The following LY6G6F variants were observed in gnomAD, a reference collection of about 807,000 sequenced individuals.
LY6G6F encodes the protein lymphocyte antigen 6 complex locus protein G6f.
In LY6G6F, 26 loss-of-function variants were observed where a neutral mutation model predicts 33.0. The ratio of observed to expected loss-of-function variants is 0.79; its 90% CI spans 0.58 to 1.09. The LOEUF is 1.09. Among genes scored for constraint, LY6G6F ranks in the 50% least tolerant of loss-of-function variants. The pLI, the probability that LY6G6F is intolerant of heterozygous loss-of-function variation, is 0.00. For missense variants in LY6G6F, 317 were observed against 372.0 expected (o/e 0.85, Z 1.22); for synonymous variants, 132 against 148.1 (o/e 0.89, Z 0.79).
rs771850680 is a variant in LY6G6F, at chr6:31,710,395, GA to G, written c.848del (p.Asn283ThrfsTer25). The G allele has an allele frequency of 6.2e-7, 1 of 1,614,168 alleles. No homozygotes were observed. The highest frequency in any genetic ancestry group is 2.2e-5 in the East Asian group (1 of 44,882). ...TCAAACCCGAAATCCAGGTCTATGAGAACATCCATTTGGCCCGTCTTGGGTG... is the reference window on the plus strand; with the variant it reads ...TCAAACCCGAAATCCAGGTCTATGAGACATCCATTTGGCCCGTCTTGGGTG... ...QFKPEIQVYE[N>X]IHLARLGPPA... is the part of the protein sequence containing the mutation. On this transcript the variant is annotated frameshift_variant, in exon 5 of 6. Transcript: ENST00000375832. LOFTEE classifies it high-confidence loss of function. The surrounding 1 kb of genome is among the most constrained non-coding windows in gnomAD (Gnocchi z 4.7).
In LY6G6F at chr6:31,707,440, A is replaced by G; in HGVS notation, c.53-18A>G. 1 of 1,609,764 alleles carries G rather than the reference A, an allele frequency of 6.2e-7. No individual in the cohort carries two copies. ...ATCTGATGGAGGTCTCTGGCCTCAT[A>G]CAACCCTCTTCCCACAGACAACATG... On this transcript the variant is annotated intron_variant, in intron 1 of 5. Coordinates refer to ENST00000375832, the MANE Select transcript of LY6G6F (RefSeq NM_001003693.3). The surrounding 1 kb of genome is among the most constrained non-coding windows in gnomAD (Gnocchi z 4.1).
chr6:31,707,676 T>C lies in LY6G6F; in HGVS notation c.271T>C (p.Leu91=), dbSNP rs367817043. Reference sequence around the variant, plus strand: ...GCTCAGACTGCTGGGGAACTATTCTTTGTGGTTGGAGGGATCCAAAGAGGA... The same window carrying C: ...GCTCAGACTGCTGGGGAACTATTCTCTGTGGTTGGAGGGATCCAAAGAGGA... The part of the protein sequence containing the change: ...SRLRLLGNYS[L]WLEGSKEEDA... The change falls in exon 2 of 6, where the codon TTG becomes CTG. Residue 91 remains leucine, a synonymous_variant. Transcript: ENST00000375832. This position sits in a 1 kb window ranked among gnomAD's most constrained non-coding sequence, Gnocchi z 4.1. 1 of 1,613,920 alleles carries C rather than the reference T, an allele frequency of 6.2e-7. No homozygotes were observed. Among genetic ancestry groups the C allele is most frequent in the Non-Finnish European group, 8.5e-7 (1 of 1,179,910 alleles).
chr6:31,709,613 C>T (rs1352518067), intron 3 of LY6G6F, among the ~76,000 whole-genome samples: 2 of 151,876 alleles, frequency 1.3e-5, no homozygotes, highest in African/African-American at 2.4e-5. Flanking sequence ...AGGCTGGTCT[C>T]GACCTCCTGA....
Position 31,707,626 on chromosome 6 carries a change from C to T in LY6G6F, c.221C>T (p.Pro74Leu). The T allele has an allele frequency of 6.2e-7, 1 of 1,613,820 alleles. No individual in the cohort carries two copies. The highest frequency in any genetic ancestry group is 8.5e-7 in the Non-Finnish European group (1 of 1,179,846). ...CAAGTGGGCAGGCCAGCCCCAGACC[C>T]TGGAAAACCAGGAAGGGAATCCAGG... ...QVQVGRPAPD[P>L]GKPGRESRLR... Residue 74 changes from proline to leucine, a missense_variant, in exon 2 of 6, where the codon CCT becomes CTT. By Grantham distance (98) the Pro-to-Leu change is moderately conservative (BLOSUM62 -3). Coordinates refer to ENST00000375832, the MANE Select transcript of LY6G6F (RefSeq NM_001003693.3). This position sits in a 1 kb window ranked among gnomAD's most constrained non-coding sequence, Gnocchi z 4.1.
rs1283569101 is a variant in LY6G6F at position 31,708,127 on chromosome 6, C to T, written c.639C>T (p.Ser213=). The T allele has an allele frequency of 6.5e-7, 1 of 1,540,784 alleles. No homozygotes were observed. ...LMTHNKGVSF[S]LAASIDASPA... is the part of the protein sequence containing the mutation. ...CTCACAACAAAGGGGTCAGCTTTAG[C>T]CTGGCAGGTAAACTGAGGAAGGAGA... Residue 213 remains serine (S), a synonymous_variant, in exon 3 of 6, where the codon AGC becomes AGT. Coordinates refer to ENST00000375832, the MANE Select transcript of LY6G6F (RefSeq NM_001003693.3).
intron 3 of LY6G6F, 133 bp from the exon 4 acceptor site, chr6:31,709,893 T>C (rs1805897960): frequency 2.3e-5 from 21 of 908,572 alleles, no homozygotes; most frequent in Non-Finnish European, 3.5e-5. Context: ...GAGGATATTG[T>C]GGGCAGGGAA....
chr6:31,710,391 A>G lies in LY6G6F; in HGVS notation c.842A>G (p.Tyr281Cys). ...IPQFKPEIQV[Y>C]ENIHLARLGP... ...CAGTTCAAACCCGAAATCCAGGTCT[A>G]TGAGAACATCCATTTGGCCCGTCTT... Residue 281 changes from tyrosine to cysteine, a missense_variant, in exon 5 of 6, where the codon TAT (tyrosine) becomes TGT (cysteine). Transcript: ENST00000375832. The surrounding 1 kb of genome is among the most constrained non-coding windows in gnomAD (Gnocchi z 4.7). The G allele has an allele frequency of 1.9e-6, 3 of 1,614,158 alleles. No individual in the cohort carries two copies. Among genetic ancestry groups the G allele is most frequent in the Non-Finnish European group, 2.5e-6 (3 of 1,180,020 alleles).
In LY6G6F at chr6:31,708,232, T is replaced by G. The variant is rs1435042054; in HGVS notation, c.646+98T>G. Reference sequence around the variant, plus strand: ...CCGCCACCATGCCTGGATAATTTTTTGTACTTTTAGTAGAGACGAGATTTC... The same window carrying G: ...CCGCCACCATGCCTGGATAATTTTTGGTACTTTTAGTAGAGACGAGATTTC... On this transcript the variant is annotated intron_variant, in intron 3 of 5. Coordinates refer to ENST00000375832, the MANE Select transcript of LY6G6F (RefSeq NM_001003693.3). The G allele has an allele frequency of 2.8e-6, 4 of 1,451,636 alleles. No homozygotes were observed. In the East Asian group the frequency reaches 7.0e-5, roughly 25 times the overall value. The allele number at this position is 1,451,636 out of a possible 1,614,324, so 89.9% of individuals were successfully genotyped here.
At position 31,710,253 on chromosome 6, in the gene LY6G6F, C is replaced by A. The variant is rs1227591868; in HGVS notation, c.802+72C>A. ...GGCAAAGGGCTAGGCTCACACCCCG[C>A]CTCTGTACCCCACCTCCTCTAGGGG... is the stretch of plus-strand genomic sequence containing the variant. On this transcript the variant is annotated intron_variant, in intron 4 of 5. Coordinates refer to ENST00000375832, the MANE Select transcript of LY6G6F (RefSeq NM_001003693.3). The surrounding 1 kb of genome is among the most constrained non-coding windows in gnomAD (Gnocchi z 4.7). The A allele has an allele frequency of 6.2e-7, 1 of 1,611,712 alleles. No individual in the cohort carries two copies. The highest frequency in any genetic ancestry group is 2.2e-5 in the East Asian group (1 of 44,856).
In LY6G6F at chr6:31,708,089, C is replaced by T. The variant is rs765148790; in HGVS notation, c.601C>T (p.Arg201Cys). 8.1e-6 allele frequency: 13 copies of T among 1,601,726 alleles called. No homozygotes were observed. The highest frequency in any genetic ancestry group is 2.7e-5 in the African/African-American group (2 of 74,718). ...EPRSRRPRIIRCLMTHNKGVS... is the reference protein window; with the variant it reads ...EPRSRRPRIICCLMTHNKGVS... ...CAGGAGCCGAAGACCAAGAATCATC[C>T]GCTGCCTCATGACTCACAACAAAGG... is the stretch of plus-strand genomic sequence containing the variant. The change falls in exon 3 of 6, where the codon CGC becomes TGC. Residue 201 changes from arginine to cysteine, a missense_variant. By Grantham distance (180) the Arg-to-Cys change is radical. Coordinates refer to ENST00000375832, the MANE Select transcript of LY6G6F (RefSeq NM_001003693.3).
At position 31,710,649 on chromosome 6, in the gene LY6G6F, G is replaced by C; in HGVS notation, c.*58G>C. The C allele has an allele frequency of 6.2e-7, 1 of 1,609,946 alleles. No homozygotes were observed. Among genetic ancestry groups the C allele is most frequent in the African/African-American group, 1.3e-5 (1 of 74,936 alleles). ...CTGTCTCGCTGGCCATCTGGCACCT[G>C]GAAGATTCCTCGACAACCTTAGCAA... On this transcript the variant is annotated 3_prime_UTR_variant, in exon 6 of 6. Transcript: ENST00000375832. This position sits in a 1 kb window ranked among gnomAD's most constrained non-coding sequence, Gnocchi z 4.7.
intron 3 of LY6G6F, among the ~76,000 whole-genome samples, chr6:31,709,227 A>G (rs1328811179): frequency 6.7e-6 from 1 of 148,992 alleles, no homozygotes; most frequent in Non-Finnish European, 1.5e-5. Flanking sequence ...GCCTGCCACC[A>G]CGCCTGGCTA....
chr6:31,709,985 A>G, intron 3 of LY6G6F, 41 bp from the exon 4 acceptor site: 1 of 1,583,966 alleles, frequency 6.3e-7, no homozygotes, highest in Non-Finnish European at 8.6e-7. Flanking sequence ...AGGGCCCCTC[A>G]CTACCTCCCT....
chr6:31,707,328 T>G lies in LY6G6F; in HGVS notation c.53-130T>G. ...CTGTCTTATTTTTGTAGCTGTCACT[T>G]GAGAAATGTGGTCACCAGCCAGGCC... On this transcript the variant is annotated intron_variant, in intron 1 of 5. Transcript: ENST00000375832. This position sits in a 1 kb window ranked among gnomAD's most constrained non-coding sequence, Gnocchi z 4.1. 3.9e-6 allele frequency: 3 copies of G among 760,784 alleles called. No individual in the cohort carries two copies. Among genetic ancestry groups the G allele is most frequent in the Non-Finnish European group, 4.3e-6 (2 of 465,772 alleles). The allele number at this position is 760,784 out of a possible 1,614,324, so 47.1% of individuals were successfully genotyped here. A position where few individuals can be genotyped will look rare whatever the true frequency, so the allele number is the denominator to read the frequency against.
chr6:31,710,188 C>G lies in LY6G6F; in HGVS notation c.802+7C>G. The G allele has an allele frequency of 6.2e-7, 1 of 1,609,224 alleles. No individual in the cohort carries two copies. Among genetic ancestry groups the G allele is most frequent in the East Asian group, 2.2e-5 (1 of 44,798 alleles). On this transcript the variant is annotated splice_region_variant and intron_variant, in intron 4 of 5. Transcript: ENST00000375832. The surrounding 1 kb of genome is among the most constrained non-coding windows in gnomAD (Gnocchi z 4.7). Reference sequence around the variant, plus strand: ...CGTGGGGCTCCAGGCAGAGGTGAGTCCCTCCCTCCCCGGGGAAAGAAGAGG... The same window carrying G: ...CGTGGGGCTCCAGGCAGAGGTGAGTGCCTCCCTCCCCGGGGAAAGAAGAGG...
chr6:31,708,232 T>C, intron 3 of LY6G6F, 98 bp downstream of exon 3: 2 of 1,451,636 alleles, frequency 1.4e-6, no homozygotes, highest in Non-Finnish European at 1.8e-6. Flanking sequence ...GATAATTTTT[T>C]GTACTTTTAG....
At chr6:31,708,171 C>T in intron 3 of LY6G6F, 37 bp downstream of exon 3, 2 of 1,506,736 alleles carry the variant, frequency 1.3e-6, no homozygotes, top group Non-Finnish European at 1.8e-6. Flanking sequence ...GATGTTCTTT[C>T]ACTTCAGCCT....
chr6:31,707,051 A>T lies in LY6G6F; in HGVS notation c.52+93A>T. 7.2e-7 allele frequency: 1 copy of T among 1,394,628 alleles called. No homozygotes were observed. Among genetic ancestry groups the T allele is most frequent in the African/African-American group, 1.4e-5 (1 of 70,556 alleles). 86.4% of individuals were successfully genotyped at this position (1,394,628 alleles called of 1,614,324 possible). ...CCTAGGAGCCTGGCGAAGGCATCTG[A>T]CTCAAGAAGATAGAATTACCCCAAC... is the stretch of plus-strand genomic sequence containing the variant. On this transcript the variant is annotated intron_variant, in intron 1 of 5. Transcript: ENST00000375832. This position sits in a 1 kb window ranked among gnomAD's most constrained non-coding sequence, Gnocchi z 4.1.
At chr6:31,708,913 C>T (rs975714202) in intron 3 of LY6G6F, among the ~76,000 whole-genome samples, 13 of 149,640 alleles carry the variant, frequency 8.7e-5, no homozygotes, top group African/African-American at 3.3e-4. Flanking sequence ...GCAACAAGAG[C>T]GAAGCTCTAT....
Sources: gnomAD v4.1 joint callset for allele counts (sites outside exome capture counted in the v4.1 genomes callset) on GRCh38, gnomAD v4.1.1 for gene constraint, Gnocchi (gnomAD v3.1) non-coding constraint, MANE v1.5 for transcripts, NCBI Gene and HGNC (gene_info 2026-07-23, HGNC 2026-07-21) for gene names.